TULP4: variants seen among roughly 807,000 people sequenced by gnomAD.
The protein encoded by TULP4 is tubby-related protein 4.
Under a neutral mutation model 129.0 loss-of-function variants are expected in TULP4, and 16 were observed. The ratio of observed to expected loss-of-function variants is 0.12; its 90% CI spans 0.08 to 0.19. The LOEUF (loss-of-function observed/expected upper bound fraction) is 0.19, where lower values mean the gene tolerates loss of function less well. TULP4 is among the 10% of genes least tolerant of loss of function. The pLI is 1.00. For missense variants in TULP4, 1,842 were observed against 2,059.1 expected, an observed-to-expected ratio of 0.89 and a Z score of 2.04; for synonymous variants, 998 against 854.0, an observed-to-expected ratio of 1.17 and a Z score of -2.94.
intron 3 of TULP4, among the ~76,000 whole-genome samples, chr6:158,442,016 C>G (rs1291894099): frequency 6.6e-6 from 1 of 152,162 alleles, no homozygotes; most frequent in Non-Finnish European, 1.5e-5. Flanking sequence ...TCAGTTATTT[C>G]TGCTTCCCTG....
At chr6:158,453,509 A>G (rs1424006597) in intron 5 of TULP4, among the ~76,000 whole-genome samples, 48 of 128,284 alleles carry the variant, frequency 3.7e-4, no homozygotes, top group African/African-American at 1.5e-3. Flanking sequence ...AAAAAAAAAA[A>G]GCCGGGCACG....
intron 1 of TULP4, among the ~76,000 whole-genome samples, chr6:158,296,574 G>A (rs188406541): frequency 2.0e-5 from 3 of 152,116 alleles, no homozygotes; most frequent in South Asian, 4.1e-4. Context: ...ATGCTTCTGA[G>A]GGAACAGGAC....
intron 1 of TULP4, among the ~76,000 whole-genome samples, chr6:158,285,617 T>C (rs1341157567): frequency 6.6e-6 from 1 of 152,200 alleles, no homozygotes; most frequent in African/African-American, 2.4e-5. Flanking sequence ...ATTGAATGAA[T>C]AGCTCACAGC....
intron 6 of TULP4, among the ~76,000 whole-genome samples, chr6:158,466,938 A>G (rs1022447314): frequency 5.9e-5 from 9 of 152,198 alleles, no homozygotes; most frequent in South Asian, 4.1e-4. Flanking sequence ...CCAGTCTTAC[A>G]GCTTTAATTC....
chr6:158,257,863 G>A (rs773309285), intron 1 of TULP4, among the ~76,000 whole-genome samples: 4 of 152,336 alleles, frequency 2.6e-5, no homozygotes, highest in Non-Finnish European at 5.9e-5. Flanking sequence ...TAGGTTGGCT[G>A]GAGGAGTTAA....
In TULP4 at chr6:158,503,350, G is replaced by A. The variant is rs199905889; in HGVS notation, c.3687G>A (p.Pro1229=). ...AQQEPAVVLQ[P]LYPPSLSYCT... The stretch of plus-strand genomic sequence containing the variant: ...AGGAGCCTGCTGTGGTCCTTCAGCC[G>A]CTGTACCCACCCAGCCTCTCCTATT... Residue 1229 remains proline (P), a synonymous_variant, in exon 13 of 14, where the codon CCG becomes CCA. Coordinates refer to ENST00000367097, the MANE Select transcript of TULP4 (RefSeq NM_020245.5). The surrounding 1 kb of genome is among the most constrained non-coding windows in gnomAD (Gnocchi z 4.3). The A allele has an allele frequency of 8.6e-5, 139 of 1,613,626 alleles. No individual in the cohort carries two copies. Among genetic ancestry groups the A allele is most frequent in the East Asian group, 1.3e-4 (6 of 44,870 alleles).
At chr6:158,330,054 A>G (rs1205631710) in intron 1 of TULP4, among the ~76,000 whole-genome samples, 1 of 152,182 alleles carries the variant, frequency 6.6e-6, no homozygotes, top group Admixed American at 6.5e-5. Context: ...GGTGAAATTA[A>G]TTTTTAATAT....
intron 1 of TULP4, among the ~76,000 whole-genome samples, chr6:158,301,359 G>A (rs1221090493): frequency 6.6e-6 from 1 of 151,420 alleles, no homozygotes; most frequent in Admixed American, 6.6e-5. Context: ...GGTCAATCAA[G>A]TGACCACCCA....
chr6:158,310,173 C>G (rs374103017), upstream of TULP4, among the ~76,000 whole-genome samples: 1 of 152,204 alleles, frequency 6.6e-6, no homozygotes, highest in African/African-American at 2.4e-5. Flanking sequence ...TGGCTCATGG[C>G]TCTGCAGGCT....
intron 1 of TULP4, among the ~76,000 whole-genome samples, chr6:158,292,384 C>T (rs575219760): frequency 6.6e-6 from 1 of 152,266 alleles, no homozygotes; most frequent in African/African-American, 2.4e-5. Flanking sequence ...TGTATCCGCT[C>T]TTGTGTCCCC....
At chr6:158,461,336 A>G (rs942281805) in intron 5 of TULP4, among the ~76,000 whole-genome samples, 2 of 151,560 alleles carry the variant, frequency 1.3e-5, no homozygotes, top group African/African-American at 4.8e-5. Context: ...GCTTGAACCC[A>G]GGAGGCGGAG....
At chr6:158,245,422 A>G (rs1008865879) in intron 1 of TULP4, among the ~76,000 whole-genome samples, 3 of 151,954 alleles carry the variant, frequency 2.0e-5, no homozygotes, top group African/African-American at 7.3e-5. Context: ...CCTGGTGTGG[A>G]AAGGGAATGA....
intron 5 of TULP4, among the ~76,000 whole-genome samples, chr6:158,454,879 T>G (rs958076089): frequency 1.3e-5 from 2 of 151,934 alleles, no homozygotes; most frequent in African/African-American, 4.8e-5. Context: ...GTGCTGGGAT[T>G]ACAGGCGTGA....
At chr6:158,441,902 G>A (rs999543037) in intron 3 of TULP4, among the ~76,000 whole-genome samples, 2 of 152,166 alleles carry the variant, frequency 1.3e-5, no homozygotes, top group African/African-American at 4.8e-5. Flanking sequence ...TGTTTGATAG[G>A]GCCCATCTCC....
chr6:158,331,191 A>G (rs1779869800), intron 1 of TULP4, among the ~76,000 whole-genome samples: 1 of 152,134 alleles, frequency 6.6e-6, no homozygotes, highest in Non-Finnish European at 1.5e-5. Context: ...TTTATGATCC[A>G]TTGATGATTC....
upstream of TULP4, among the ~76,000 whole-genome samples, chr6:158,308,054 G>A (rs539264021): frequency 2.8e-3 from 409 of 147,902 alleles, 1 homozygote; most frequent in African/African-American, 9.8e-3. Flanking sequence ...CACAGAGGGG[G>A]ATTTGGCAGG....
At chr6:158,353,987 G>A (rs1214585445) in intron 1 of TULP4, among the ~76,000 whole-genome samples, 1 of 152,154 alleles carries the variant, frequency 6.6e-6, no homozygotes, top group Admixed American at 6.5e-5. Context: ...TGTGGTCATC[G>A]GCCCCAGAGT....
intron 1 of TULP4, among the ~76,000 whole-genome samples, chr6:158,402,173 AAC>A (rs1777866104): frequency 6.6e-6 from 1 of 152,172 alleles, no homozygotes; most frequent in Non-Finnish European, 1.5e-5. Context: ...ACATTGCCTA[AAC>A]CTAGCTCTTC....
At chr6:158,443,236 C>T (rs1237293727) in intron 3 of TULP4, among the ~76,000 whole-genome samples, 1 of 152,136 alleles carries the variant, frequency 6.6e-6, no homozygotes, top group Non-Finnish European at 1.5e-5. Context: ...CCCGCCTCGG[C>T]CTCCCAAAGT....
Sources: allele counts gnomAD v4.1 joint callset (sites outside exome capture counted in the v4.1 genomes callset), GRCh38; gene constraint gnomAD v4.1.1; non-coding constraint Gnocchi (gnomAD v3.1); transcripts MANE v1.5; gene names NCBI Gene and HGNC (gene_info 2026-07-23, HGNC 2026-07-21).